Variants in UGGT2 observed in about 807,000 individuals in gnomAD.
UGGT2 encodes the protein UDP-glucose:glycoprotein glucosyltransferase 2.
A neutral mutation model predicts 192.1 loss-of-function variants in UGGT2; 180 were observed. That is an observed-to-expected ratio of 0.94 (90% CI 0.83 to 1.06). UGGT2 has a LOEUF of 1.06. Among genes scored for constraint, UGGT2 ranks in the 50% least tolerant of loss-of-function variants. UGGT2 has a pLI of 0.00. For synonymous variants in UGGT2, 580 were observed against 591.0 expected, an observed-to-expected ratio of 0.98 and a Z score of 0.27; for missense variants, 1,849 against 1,795.7, an observed-to-expected ratio of 1.03 and a Z score of -0.54.
At chr13:95,814,803 C>T (rs556640365) in intron 38 of UGGT2, among the ~76,000 whole-genome samples, 3 of 152,098 alleles carry the variant, frequency 2.0e-5, no homozygotes, top group Non-Finnish European at 4.4e-5. Flanking sequence ...ACAATATTCT[C>T]CATGAACACA....
Position 95,948,244 on chromosome 13 carries a change from CACACACACAT to C in UGGT2, c.1456-173_1456-164del, listed in dbSNP as rs1242211592. On this transcript the variant is annotated intron_variant, in intron 13 of 38. Transcript: ENST00000376747. ...ACACACACACACACACACACACACA[CACACACACAT>C]ATAAAGGATTTCACAATTTATGAAG... Among the ~76,000 whole-genome samples the C allele has an allele frequency of 4.9e-4, 74 of 151,806 alleles. No individual in the cohort carries two copies. In the Middle Eastern group the frequency reaches 0.017, roughly 35 times the overall value.
At chr13:95,820,252 GA>G (rs553521764) in intron 38 of UGGT2, among the ~76,000 whole-genome samples, 10 of 151,956 alleles carry the variant, frequency 6.6e-5, no homozygotes, top group Admixed American at 6.6e-4. Flanking sequence ...CTTTTTCTTG[GA>G]AAACATAATT....
chr13:95,971,990 T>C (rs2050787413), intron 11 of UGGT2, among the ~76,000 whole-genome samples: 1 of 152,198 alleles, frequency 6.6e-6, no homozygotes, highest in Non-Finnish European at 1.5e-5. Flanking sequence ...GTTTCAAATA[T>C]TAATTTTAAT....
intron 1 of UGGT2, among the ~76,000 whole-genome samples, chr13:96,033,724 T>A (rs1043832271): frequency 6.6e-6 from 1 of 152,134 alleles, no homozygotes; most frequent in African/African-American, 2.4e-5. Context: ...TGGTTGTACA[T>A]GTTTGGGGTA....
chr13:95,863,378 G>C (rs1263150177), intron 31 of UGGT2: 1 of 321,654 alleles, frequency 3.1e-6, no homozygotes, highest in African/African-American at 2.1e-5. Flanking sequence ...CTTCTTCAAG[G>C]AGTATTTCCC....
chr13:95,867,208 G>T, intron 30 of UGGT2, 131 bp downstream of exon 30: 3 of 753,328 alleles, frequency 4.0e-6, no homozygotes, highest in East Asian at 3.2e-5. Flanking sequence ...TTTACTGCTG[G>T]AGTTCAAATA....
intron 15 of UGGT2, among the ~76,000 whole-genome samples, chr13:95,946,691 A>G (rs1009226168): frequency 1.3e-5 from 2 of 152,110 alleles, no homozygotes; most frequent in Non-Finnish European, 2.9e-5. Context: ...TCTTTAATCA[A>G]AGCCTAGTTC....
intron 31 of UGGT2, among the ~76,000 whole-genome samples, chr13:95,862,575 T>G (rs933574955): frequency 6.6e-6 from 1 of 152,142 alleles, no homozygotes; most frequent in East Asian, 1.9e-4. Flanking sequence ...GGTATATGAC[T>G]CATGCTGGGT....
intron 36 of UGGT2, among the ~76,000 whole-genome samples, chr13:95,839,184 A>T (rs1887609291): frequency 6.6e-6 from 1 of 151,932 alleles, no homozygotes. Context: ...CTGTTTTTTC[A>T]TTTTAACCTC....
chr13:95,937,261 G>A (rs892994439), intron 16 of UGGT2, among the ~76,000 whole-genome samples, 173 bp from the exon 17 acceptor site: 3 of 152,144 alleles, frequency 2.0e-5, no homozygotes, highest in Non-Finnish European at 4.4e-5. Context: ...TACCTACAAG[G>A]AGTCAAAAAA....
intron 12 of UGGT2, among the ~76,000 whole-genome samples, chr13:95,964,274 A>T (rs540805909): frequency 6.6e-6 from 1 of 152,312 alleles, no homozygotes; most frequent in South Asian, 2.1e-4. Flanking sequence ...TATGCAGAAT[A>T]ATGAAGCTAG....
chr13:95,882,173 G>T (rs1316299412), intron 27 of UGGT2, among the ~76,000 whole-genome samples: 1 of 152,168 alleles, frequency 6.6e-6, no homozygotes, highest in African/African-American at 2.4e-5. Context: ...CTGCCAAAGT[G>T]CTGGGATTAC....
chr13:96,052,146 A>T (rs1251504183), intron 1 of UGGT2, among the ~76,000 whole-genome samples: 1 of 152,216 alleles, frequency 6.6e-6, no homozygotes, highest in Non-Finnish European at 1.5e-5. Context: ...CATAAAAAGG[A>T]ATCAATTAAT....
intron 5 of UGGT2, among the ~76,000 whole-genome samples, chr13:96,005,716 T>G (rs1461451116): frequency 6.6e-6 from 1 of 152,144 alleles, no homozygotes; most frequent in East Asian, 1.9e-4. Context: ...GAAACTTAAT[T>G]GGAACATCAG....
chr13:95,962,711 C>T (rs972433743), intron 12 of UGGT2, among the ~76,000 whole-genome samples: 2 of 152,094 alleles, frequency 1.3e-5, no homozygotes, highest in African/African-American at 2.4e-5. Context: ...CAGCATTACC[C>T]GGATACCAAA....
intron 38 of UGGT2, among the ~76,000 whole-genome samples, chr13:95,811,308 T>C (rs1884571378): frequency 6.6e-6 from 1 of 152,186 alleles, no homozygotes; most frequent in Non-Finnish European, 1.5e-5. Flanking sequence ...TAAATATTCA[T>C]AGGAATATAT....
At chr13:96,020,864 C>G (rs536616701) in intron 4 of UGGT2, among the ~76,000 whole-genome samples, 75 of 152,266 alleles carry the variant, frequency 4.9e-4, no homozygotes, top group African/African-American at 1.8e-3. Flanking sequence ...ATAAGTTAGC[C>G]TTTTATTCTT....
chr13:95,980,990 T>TC (rs2051105435), intron 10 of UGGT2, among the ~76,000 whole-genome samples: 2 of 152,188 alleles, frequency 1.3e-5, no homozygotes, highest in African/African-American at 4.8e-5. Flanking sequence ...AGAGCAAGAC[T>TC]CCATCTCAAA....
chr13:96,023,056 T>G lies in UGGT2; in HGVS notation c.469A>C (p.Lys157Gln). Residue 157 changes from lysine (K) to glutamine (Q), a missense_variant, in exon 4 of 39, where the codon AAG (lysine) becomes CAG (glutamine). Physicochemically the swap from Lys to Gln is moderately conservative, Grantham distance 53. Transcript: ENST00000376747. ...CKINEIKKLL[K>Q]KAASRTRPYL... ...TTAATTTACCTTGAAGCAGCTTTCT[T>G]CAGCAGCTTTTTAATCTCATTAATT... The G allele has an allele frequency of 6.3e-7, 1 of 1,584,346 alleles. No individual in the cohort carries two copies. The highest frequency in any genetic ancestry group is 8.6e-7 in the Non-Finnish European group (1 of 1,163,934).
Sources: gnomAD v4.1 joint callset for allele counts (sites outside exome capture counted in the v4.1 genomes callset) on GRCh38, gnomAD v4.1.1 for gene constraint, MANE v1.5 for transcripts, NCBI Gene and HGNC (gene_info 2026-07-23, HGNC 2026-07-21) for gene names.